The following ANKRD26 variants were observed in gnomAD, a reference collection of about 807,000 sequenced individuals.
The protein encoded by ANKRD26 is ankyrin repeat domain 26.
A neutral mutation model predicts 208.7 loss-of-function variants in ANKRD26; 141 were observed. That is an observed-to-expected ratio of 0.68 (90% CI 0.59 to 0.78). The LOEUF (loss-of-function observed/expected upper bound fraction) is 0.78. ANKRD26 is among the 30% of genes least tolerant of loss of function. The pLI is 0.00. For synonymous variants in ANKRD26, 636 were observed against 660.4 expected (o/e 0.96, Z 0.57); for missense variants, 1,889 against 1,938.7 (o/e 0.97, Z 0.48).
rs765842615 is a variant in ANKRD26 at position 27,024,413 on chromosome 10, A to G, written c.4085+34T>C. The G allele has an allele frequency of 3.5e-6, 4 of 1,144,284 alleles. No homozygotes were observed. In the African/African-American group the frequency reaches 4.6e-5, roughly 13 times the overall value. 70.9% of individuals were successfully genotyped at this position (1,144,284 alleles called of 1,614,324 possible). On this transcript the variant is annotated intron_variant, in intron 28 of 33. Transcript: ENST00000376087. ...AAAATTATATTAAATCAATTAATGAATGGTTAAAATGATCTGAAATATTAA... is the reference window on the plus strand; with the variant it reads ...AAAATTATATTAAATCAATTAATGAGTGGTTAAAATGATCTGAAATATTAA...
chr10:26,962,200 C>T, the ANKRD26 span, among the ~76,000 whole-genome samples: 6 of 152,042 alleles, frequency 3.9e-5, no homozygotes, highest in African/African-American at 9.7e-5. Context: ...GAGGCTGAGA[C>T]GGGAGGATCT....
At chr10:27,093,820 T>C (rs1397629152) in intron 1 of ANKRD26, 21 bp from the exon 2 acceptor site, 10 of 1,547,650 alleles carry the variant, frequency 6.5e-6, no homozygotes, top group Admixed American at 1.7e-5. Flanking sequence ...GACAGGACTT[T>C]TTATAAACTG....
At chr10:27,053,762 T>C (rs2054745311) in intron 15 of ANKRD26, among the ~76,000 whole-genome samples, 1 of 152,140 alleles carries the variant, frequency 6.6e-6, no homozygotes, top group Non-Finnish European at 1.5e-5. Context: ...AAATATTCAC[T>C]CACAAATTCA....
downstream of ANKRD26, among the ~76,000 whole-genome samples, chr10:26,970,012 T>TTGGTAGAGACAG (rs58939050): frequency 1.3e-5 from 2 of 151,598 alleles, no homozygotes; most frequent in Middle Eastern, 3.4e-3. Flanking sequence ...TTTTGTATTT[T>TTGGTAGAGACAG]AGTTTTGTCA....
downstream of ANKRD26, among the ~76,000 whole-genome samples, chr10:26,999,411 G>C (rs1298848783): frequency 6.6e-6 from 1 of 152,156 alleles, no homozygotes; most frequent in African/African-American, 2.4e-5. Flanking sequence ...ATATTATTAA[G>C]TCAGTGAGTG....
chr10:27,049,089 C>A, intron 16 of ANKRD26, 110 bp from the exon 17 acceptor site: 1 of 928,562 alleles, frequency 1.1e-6, no homozygotes, highest in Non-Finnish European at 1.6e-6. Context: ...TAACTTTAGC[C>A]AATAAAAATA....
At chr10:27,018,141 A>ATTTTTTTTTTTTTTTTTT (rs11346457) in intron 29 of ANKRD26, among the ~76,000 whole-genome samples, 2 of 131,162 alleles carry the variant, frequency 1.5e-5, no homozygotes, top group African/African-American at 5.8e-5. Flanking sequence ...ATGCCCTATA[A>ATTTTTTTTTTTTTTTTTT]TTTTTTTTTT....
the ANKRD26 span, among the ~76,000 whole-genome samples, chr10:26,951,013 C>CTTTTCTTTTTTT: frequency 2.2e-4 from 22 of 100,908 alleles, 2 homozygotes; most frequent in East Asian, 1.9e-3. Flanking sequence ...CTTTTCTTTT[C>CTTTTCTTTTTTT]TTTTTCTTTT....
chr10:27,039,932 G>A (rs956913801), intron 21 of ANKRD26, 33 bp downstream of exon 21: 1 of 1,580,944 alleles, frequency 6.3e-7, no homozygotes, highest in Middle Eastern at 1.9e-4. Context: ...AGTACAAATA[G>A]TTAAACATTT....
At chr10:27,067,561 G>C (rs1394434018) in intron 9 of ANKRD26, among the ~76,000 whole-genome samples, 1 of 152,152 alleles carries the variant, frequency 6.6e-6, no homozygotes, top group Non-Finnish European at 1.5e-5. Flanking sequence ...AATCACAGCA[G>C]AAGGCAAAGA....
chr10:27,080,861 T>A (rs1342428707), intron 6 of ANKRD26: 1 of 985,358 alleles, frequency 1.0e-6, no homozygotes, highest in Non-Finnish European at 1.2e-6. Flanking sequence ...GGTTGCTCCA[T>A]GACTGACTTG....
intron 1 of ANKRD26, among the ~76,000 whole-genome samples, chr10:27,098,100 G>A (rs1455975835): frequency 1.3e-5 from 2 of 151,924 alleles, no homozygotes; most frequent in African/African-American, 2.4e-5. Flanking sequence ...CAGATAAAAA[G>A]ATACCCTTTA....
intron 27 of ANKRD26, among the ~76,000 whole-genome samples, chr10:27,025,987 G>A (rs1392230268): frequency 6.6e-6 from 1 of 152,148 alleles, no homozygotes; most frequent in Non-Finnish European, 1.5e-5. Flanking sequence ...TTCTCATCTT[G>A]TGTGGGCACA....
At position 27,100,299 on chromosome 10, in the gene ANKRD26, C is replaced by T. The variant is rs2056608726; in HGVS notation, c.28G>A (p.Glu10Lys). Residue 10 changes from glutamate to lysine, a missense_variant, in exon 1 of 34, where the codon GAG (glutamate) becomes AAG (lysine). This residue lies in a region of ANKRD26 where 1,272 missense variants were observed against 1,273.8 expected (regional missense o/e 1.00). Transcript: ENST00000376087. The part of the protein sequence containing the change: MKKIFSKKG[E>K]SPLGSFARRQ... ...CGCGCGAAGGAGCCCAAGGGCGACT[C>T]GCCCTTCTTACTAAAAATCTTCTTC... The T allele has an allele frequency of 6.2e-7, 1 of 1,609,690 alleles. No individual in the cohort carries two copies. The highest frequency in any genetic ancestry group is 1.1e-5 in the South Asian group (1 of 91,026).
chr10:27,077,577 T>A (rs769789065), intron 8 of ANKRD26, 37 bp from the exon 9 acceptor site: 69 of 1,610,866 alleles, frequency 4.3e-5, no homozygotes, highest in Non-Finnish European at 5.5e-5. Flanking sequence ...AATGAAAATA[T>A]ATGTAATTAA....
chr10:27,053,536 C>T (rs2054737321), intron 15 of ANKRD26, 146 bp from the exon 16 acceptor site: 1 of 536,918 alleles, frequency 1.9e-6, no homozygotes, highest in East Asian at 3.2e-5. Flanking sequence ...CAGGGCCTTA[C>T]TCTGTCGCCC....
rs751504684 is a variant in ANKRD26 at position 27,093,535 on chromosome 10, G to A, written c.358-13C>T. On this transcript the variant is annotated splice_polypyrimidine_tract_variant and intron_variant, in intron 2 of 33. Transcript: ENST00000376087. ...GGCATTGTACAGCCTGGGAGTATTA[G>A]ACCAAGAAACAGATCATAAATTCTA... 5.0e-6 allele frequency: 8 copies of A among 1,613,948 alleles called. No homozygotes were observed. Among genetic ancestry groups the A allele is most frequent in the African/African-American group, 1.3e-5 (1 of 75,036 alleles).
intron 9 of ANKRD26, among the ~76,000 whole-genome samples, chr10:27,070,915 T>C (rs955310557): frequency 1.3e-5 from 2 of 152,142 alleles, no homozygotes; most frequent in Non-Finnish European, 2.9e-5. Flanking sequence ...TCTGCCCGCC[T>C]TGGCCTCCCA....
At chr10:26,947,905 A>C in the ANKRD26 span, among the ~76,000 whole-genome samples, 3 of 152,228 alleles carry the variant, frequency 2.0e-5, no homozygotes, top group Non-Finnish European at 2.9e-5. Flanking sequence ...TAAGAAGTAG[A>C]GTTGAGATTT....
Sources: gnomAD v4.1 joint callset for allele counts (sites outside exome capture counted in the v4.1 genomes callset) on GRCh38, gnomAD v4.1.1 for gene constraint, gnomAD v4.1.1 regional missense constraint, MANE v1.5 for transcripts, NCBI Gene and HGNC (gene_info 2026-07-23, HGNC 2026-07-21) for gene names.